Variants in RASAL2 observed in about 807,000 individuals in gnomAD.
The protein encoded by RASAL2 is RAS protein activator like 2.
In RASAL2, 58 loss-of-function variants were observed where a neutral mutation model predicts 128.9. The observed-to-expected ratio is 0.45, with a 90% CI of 0.36 to 0.56. The LOEUF is 0.56. Among genes scored for constraint, RASAL2 ranks in the 20% least tolerant of loss-of-function variants. The pLI is 0.00. For missense variants in RASAL2, 1,360 were observed against 1,601.6 expected (o/e 0.85, Z 2.57); for synonymous variants, 561 against 580.8 (o/e 0.97, Z 0.49).
At chr1:178,348,998 A>G (rs1670304713) in intron 3 of RASAL2, among the ~76,000 whole-genome samples, 1 of 150,600 alleles carries the variant, frequency 6.6e-6, no homozygotes, top group African/African-American at 2.4e-5. Context: ...ACGGGCTTTC[A>G]ACGTGTTAGC....
intron 1 of RASAL2, among the ~76,000 whole-genome samples, chr1:178,278,077 C>T (rs187400049): frequency 5.9e-5 from 9 of 152,194 alleles, no homozygotes; most frequent in Admixed American, 2.0e-4. Flanking sequence ...AGCTGTCTGC[C>T]GCAGAGAGGG....
chr1:178,289,305 C>T (rs188333871), intron 2 of RASAL2, among the ~76,000 whole-genome samples: 461 of 152,266 alleles, frequency 3.0e-3, no homozygotes, highest in Non-Finnish European at 4.6e-3. Flanking sequence ...TCCTGCCTCT[C>T]TGGAAGTTTC....
intron 3 of RASAL2, among the ~76,000 whole-genome samples, chr1:178,380,345 G>GA (rs985666662): frequency 5.9e-5 from 9 of 152,024 alleles, no homozygotes; most frequent in South Asian, 2.1e-4. Flanking sequence ...AAAATTAGAA[G>GA]AAAAAATAAC....
intron 3 of RASAL2, among the ~76,000 whole-genome samples, chr1:178,332,814 C>T (rs190743887): frequency 9.3e-4 from 141 of 151,576 alleles, no homozygotes; most frequent in Non-Finnish European, 1.4e-3. Flanking sequence ...CGGGGTTTCA[C>T]CGTGGTCTCG....
At chr1:178,382,925 T>C (rs1420329398) in intron 3 of RASAL2, among the ~76,000 whole-genome samples, 1 of 152,156 alleles carries the variant, frequency 6.6e-6, no homozygotes, top group African/African-American at 2.4e-5. Flanking sequence ...TTTCTTGGCC[T>C]TTTCAGTTGA....
chr1:178,151,541 C>T (rs992626618), intron 1 of RASAL2, among the ~76,000 whole-genome samples: 2 of 152,282 alleles, frequency 1.3e-5, no homozygotes, highest in Middle Eastern at 3.4e-3. Flanking sequence ...ATTCGCTAAG[C>T]GGTTCAGTAT....
chr1:178,162,379 T>TTATATATTA (rs1354517173), intron 1 of RASAL2, among the ~76,000 whole-genome samples: 1 of 116,956 alleles, frequency 8.6e-6, no homozygotes, highest in Non-Finnish European at 1.7e-5. Flanking sequence ...TAATATATAT[T>TTATATATTA]TATATATTAT....
chr1:178,464,852 T>G (rs1176880562), intron 15 of RASAL2, among the ~76,000 whole-genome samples: 2 of 147,392 alleles, frequency 1.4e-5, no homozygotes, highest in African/African-American at 5.1e-5. Flanking sequence ...TTTTTTTTTT[T>G]TTTTGCCTTT....
intron 1 of RASAL2, among the ~76,000 whole-genome samples, chr1:178,152,449 C>T (rs1187039476): frequency 2.0e-5 from 3 of 152,074 alleles, no homozygotes; most frequent in African/African-American, 7.2e-5. Context: ...TGTGGAGACC[C>T]CTGATTTATA....
chr1:178,448,993 A>G (rs1261451331), intron 9 of RASAL2, among the ~76,000 whole-genome samples: 1 of 152,182 alleles, frequency 6.6e-6, no homozygotes, highest in Non-Finnish European at 1.5e-5. Flanking sequence ...TTCTAAGAGC[A>G]TAAGCAGAAT....
chr1:178,115,861 T>A (rs1467103267), intron 1 of RASAL2, among the ~76,000 whole-genome samples: 3 of 151,908 alleles, frequency 2.0e-5, no homozygotes, highest in African/African-American at 7.3e-5. Flanking sequence ...ATTTTGAAGG[T>A]TAATATTAAT....
At chr1:178,185,358 G>A (rs1662254858) in intron 1 of RASAL2, among the ~76,000 whole-genome samples, 2 of 152,044 alleles carry the variant, frequency 1.3e-5, no homozygotes, top group East Asian at 1.9e-4. Flanking sequence ...GGATGCTGAA[G>A]AGGAATGATG....
At chr1:178,472,223 C>A (rs1262600280) in intron 17 of RASAL2, among the ~76,000 whole-genome samples, 9 of 152,086 alleles carry the variant, frequency 5.9e-5, no homozygotes, top group Non-Finnish European at 1.5e-5. Context: ...TTTAGTTAGA[C>A]TGCCTATTTT....
At chr1:178,257,622 C>T (rs1040633223) in intron 1 of RASAL2, among the ~76,000 whole-genome samples, 5 of 151,970 alleles carry the variant, frequency 3.3e-5, no homozygotes, top group African/African-American at 7.2e-5. Flanking sequence ...TGGCTGCCCA[C>T]GTGCTTGAGC....
At chr1:178,216,549 C>G (rs553399896) in intron 1 of RASAL2, among the ~76,000 whole-genome samples, 1 of 152,298 alleles carries the variant, frequency 6.6e-6, no homozygotes, top group South Asian at 2.1e-4. Flanking sequence ...AAATAACATT[C>G]CTTACCTACC....
intron 4 of RASAL2, chr1:178,411,706 A>G (rs1674399242): frequency 1.2e-6 from 1 of 814,208 alleles, no homozygotes; most frequent in Non-Finnish European, 2.2e-6. Flanking sequence ...TCTTTCTGGC[A>G]AAGAAACCAT....
intron 14 of RASAL2, 75 bp downstream of exon 14, chr1:178,458,619 T>A (rs1437515442): frequency 2.7e-6 from 4 of 1,481,340 alleles, no homozygotes; most frequent in Non-Finnish European, 2.7e-6. Flanking sequence ...CATAAATCAT[T>A]GGGAAATCCT....
intron 1 of RASAL2, among the ~76,000 whole-genome samples, chr1:178,276,956 G>A (rs1666545368): frequency 6.6e-6 from 1 of 151,730 alleles, no homozygotes; most frequent in South Asian, 2.1e-4. Context: ...AGATCATCCT[G>A]GCTAACACGG....
At chr1:178,190,468 G>C (rs1352628838) in intron 1 of RASAL2, among the ~76,000 whole-genome samples, 1 of 152,072 alleles carries the variant, frequency 6.6e-6, no homozygotes, top group Non-Finnish European at 1.5e-5. Flanking sequence ...TCTAATTTTT[G>C]TTTTGTAATT....
Sources: allele counts gnomAD v4.1 joint callset (sites outside exome capture counted in the v4.1 genomes callset), GRCh38; gene constraint gnomAD v4.1.1; transcripts MANE v1.5; gene names NCBI Gene and HGNC (gene_info 2026-07-23, HGNC 2026-07-21).